Variants in RPP40 observed in about 807,000 individuals in gnomAD.
The protein encoded by RPP40 is ribonuclease P/MRP subunit p40, also known as ribonuclease P protein subunit p40.
RPP40 carries 30 observed loss-of-function variants against 42.5 expected under a neutral mutation model. That is an observed-to-expected ratio of 0.71 (90% CI 0.53 to 0.96). RPP40 has a LOEUF of 0.96. Among genes scored for constraint, RPP40 ranks in the 40% least tolerant of loss-of-function variants. The probability of loss-of-function intolerance (pLI) is 0.00; values close to 1 mark genes in which losing one functional copy is unlikely to be tolerated. For synonymous variants in RPP40, 173 were observed against 164.0 expected (o/e 1.05, Z -0.42); for missense variants, 426 against 433.5 (o/e 0.98, Z 0.15).
intron 2 of RPP40, 34 bp from the exon 3 acceptor site, chr6:5,000,665 C>T: frequency 1.6e-6 from 2 of 1,238,068 alleles, no homozygotes; most frequent in Admixed American, 3.7e-5. Context: ...AAATTTAAAA[C>T]AAGAAATTAC....
chr6:4,989,608 A>G, the RPP40 span, among the ~76,000 whole-genome samples: 1 of 152,216 alleles, frequency 6.6e-6, no homozygotes, highest in Admixed American at 6.5e-5. Flanking sequence ...TCTTTATCAT[A>G]TCAGTATTTT....
Position 4,994,971 on chromosome 6 carries a change from G to A in RPP40, c.*107C>T, listed in dbSNP as rs1212930060. ...AGGATGCCAGCAAATGCTGATCTGA[G>A]AAATGTCACCATCACACAAGCCTGA... On this transcript the variant is annotated 3_prime_UTR_variant, in exon 8 of 8. Coordinates refer to ENST00000380051, the MANE Select transcript of RPP40 (RefSeq NM_006638.4). The A allele has an allele frequency of 1.0e-5, 10 of 1,002,600 alleles. No individual in the cohort carries two copies. The allele number at this position is 1,002,600 out of a possible 1,614,324, so 62.1% of individuals were successfully genotyped here. A position where few individuals can be genotyped will look rare whatever the true frequency, so the allele number is the denominator to read the frequency against.
downstream of RPP40, among the ~76,000 whole-genome samples, chr6:4,990,796 A>G (rs1369102059): frequency 1.3e-5 from 2 of 151,906 alleles, no homozygotes; most frequent in Non-Finnish European, 2.9e-5. Flanking sequence ...TTTTCGTTAC[A>G]TGTTTTTAAA....
chr6:4,999,774 A>T (rs1417802669), intron 4 of RPP40, 35 bp downstream of exon 4: 1 of 1,141,968 alleles, frequency 8.8e-7, no homozygotes, highest in Non-Finnish European at 1.3e-6. Flanking sequence ...TGCCACAAGA[A>T]GATTAGAAAC....
At chr6:4,995,805 T>C (rs944570298) in intron 7 of RPP40, 146 bp downstream of exon 7, 1 of 655,178 alleles carries the variant, frequency 1.5e-6, no homozygotes, top group Non-Finnish European at 2.6e-6. Flanking sequence ...TTATACTCAA[T>C]GTACGGTCTT....
intron 3 of RPP40, 96 bp downstream of exon 3, chr6:5,000,467 C>T (rs1759515586): frequency 6.5e-6 from 5 of 764,142 alleles, no homozygotes; most frequent in Middle Eastern, 3.9e-4. Context: ...GGATTACAGG[C>T]GTGAGCCACC....
At chr6:4,990,933 A>T (rs1414003815), downstream of RPP40, among the ~76,000 whole-genome samples, 1 of 152,172 alleles carries the variant, frequency 6.6e-6, no homozygotes, top group East Asian at 1.9e-4. Context: ...TTATTGCTAT[A>T]AAGGTGTTCC....
chr6:4,998,836 A>T lies in RPP40; in HGVS notation c.439T>A (p.Ser147Thr), dbSNP rs759348787. The change falls in exon 5 of 8, where the codon TCC becomes ACC. Residue 147 changes from serine (S) to threonine (T), a missense_variant. Coordinates refer to ENST00000380051, the MANE Select transcript of RPP40 (RefSeq NM_006638.4). ...AAGGATAATTCCATCAAATCAATGG[A>T]AACAACTTTAAAAATGAAAAAAAGA... The part of the protein sequence containing the change: ...SGRKIMKFIV[S>T]IDLMELSLNL... 7.1e-7 allele frequency: 1 copy of T among 1,409,770 alleles called. No homozygotes were observed. Among genetic ancestry groups the T allele is most frequent in the Non-Finnish European group, 9.7e-7 (1 of 1,032,372 alleles). The allele number at this position is 1,409,770 out of a possible 1,614,324, so 87.3% of individuals were successfully genotyped here.
At chr6:4,992,874 G>T (rs1759280109), downstream of RPP40, among the ~76,000 whole-genome samples, 1 of 152,006 alleles carries the variant, frequency 6.6e-6, no homozygotes, top group African/African-American at 2.4e-5. Context: ...TTTTTGGTAT[G>T]TCATTTTAGC....
chr6:5,003,387 G>A (rs575411317), intron 1 of RPP40, among the ~76,000 whole-genome samples: 1 of 149,406 alleles, frequency 6.7e-6, no homozygotes, highest in Non-Finnish European at 1.5e-5. Flanking sequence ...GTCGCTTCCT[G>A]GGCCGAGCCT....
Position 5,000,613 on chromosome 6 carries a change from G to T in RPP40, c.287C>A (p.Thr96Lys). The change falls in exon 3 of 8, where the codon ACA (threonine) becomes AAA (lysine). Residue 96 changes from threonine (T) to lysine (K), a missense_variant. Coordinates refer to ENST00000380051, the MANE Select transcript of RPP40 (RefSeq NM_006638.4). Reference sequence around the variant, plus strand: ...ATCTTCATCAATATGTGTATTGTATGTTAGTGCATAGCAAGAACCTGGAAG... The same window carrying T: ...ATCTTCATCAATATGTGTATTGTATTTTAGTGCATAGCAAGAACCTGGAAG... Reference protein sequence around the residue: ...FIKKGSCYALTYNTHIDEDNT... With the variant: ...FIKKGSCYALKYNTHIDEDNT... 1 of 1,588,668 alleles carries T rather than the reference G, an allele frequency of 6.3e-7. No homozygotes were observed. The highest frequency in any genetic ancestry group is 8.6e-7 in the Non-Finnish European group (1 of 1,159,250).
In RPP40 at chr6:4,995,238, G is replaced by A. The variant is rs376437298; in HGVS notation, c.932C>T (p.Thr311Ile). ...FDEPKLAPWVTLSVQGFADSP... is the reference protein window; with the variant it reads ...FDEPKLAPWVILSVQGFADSP... ...GTCTGCAAAGCCTTGAACGGACAGT[G>A]TAACCCATGGAGCTAACTTCGGTTC... The change falls in exon 8 of 8, where the codon ACA (threonine) becomes ATA (isoleucine). Residue 311 changes from threonine (T) to isoleucine (I), a missense_variant. Coordinates refer to ENST00000380051, the MANE Select transcript of RPP40 (RefSeq NM_006638.4). 7.4e-6 allele frequency: 12 copies of A among 1,613,902 alleles called. No homozygotes were observed. The African/African-American group carries it at 1.5e-4, about 20-fold the overall frequency.
intron 5 of RPP40, among the ~76,000 whole-genome samples, chr6:4,997,617 A>G (rs1200777760): frequency 6.6e-6 from 1 of 152,140 alleles, no homozygotes; most frequent in African/African-American, 2.4e-5. Context: ...CCATAACTGC[A>G]TGATCAATTT....
chr6:5,000,003 T>C (rs1165408466), intron 3 of RPP40, 99 bp from the exon 4 acceptor site: 5 of 685,914 alleles, frequency 7.3e-6, no homozygotes, highest in Admixed American at 2.4e-5. Context: ...GATATCAATG[T>C]AACAAACTGC....
At chr6:5,000,673 T>C (rs1759525486) in intron 2 of RPP40, 42 bp from the exon 3 acceptor site, 7 of 1,185,742 alleles carry the variant, frequency 5.9e-6, no homozygotes, top group Admixed American at 1.8e-5. Flanking sequence ...AACAAGAAAT[T>C]ACACCTGCAA....
chr6:5,003,639 C>T, intron 1 of RPP40: 2 of 435,518 alleles, frequency 4.6e-6, no homozygotes, highest in Non-Finnish European at 8.0e-6. Flanking sequence ...CTGACAACAG[C>T]TCCCTCCAGA....
intron 2 of RPP40, 134 bp downstream of exon 2, chr6:5,001,967 A>G: frequency 1.4e-6 from 1 of 701,912 alleles, no homozygotes; most frequent in Non-Finnish European, 2.4e-6. Context: ...GCGGGGGAGA[A>G]CGCGTGTGCA....
intron 4 of RPP40, among the ~76,000 whole-genome samples, chr6:4,999,485 G>C (rs1039764487): frequency 6.6e-6 from 1 of 152,010 alleles, no homozygotes; most frequent in African/African-American, 2.4e-5. Flanking sequence ...TTTTAGCAGA[G>C]ATGGGGTTTC....
At chr6:4,996,157 A>C (rs1366524964) in intron 6 of RPP40, 65 bp downstream of exon 6, 2 of 1,605,564 alleles carry the variant, frequency 1.2e-6, no homozygotes, top group Non-Finnish European at 1.7e-6. Flanking sequence ...CCAAAGTATT[A>C]AACTCCTATT....
Sources: gnomAD v4.1 joint callset for allele counts (sites outside exome capture counted in the v4.1 genomes callset) on GRCh38, gnomAD v4.1.1 for gene constraint, MANE v1.5 for transcripts, NCBI Gene and HGNC (gene_info 2026-07-23, HGNC 2026-07-21) for gene names.